Variants in HECW1 observed in about 807,000 individuals in gnomAD.
HECW1 encodes the protein HECT, C2 and WW domain containing E3 ubiquitin protein ligase 1.
In HECW1, 61 loss-of-function variants were observed where a neutral mutation model predicts 182.3. The observed-to-expected ratio is 0.33, with a 90% CI of 0.27 to 0.41. HECW1 has a LOEUF of 0.41. Ranked by LOEUF, HECW1 falls within the 10% of genes least tolerant of loss-of-function variation. HECW1 has a pLI of 1.00. For synonymous variants in HECW1, 859 were observed against 832.6 expected, an observed-to-expected ratio of 1.03 and a Z score of -0.55; for missense variants, 1,739 against 2,108.9, an observed-to-expected ratio of 0.82 and a Z score of 3.44.
chr7:43,476,366 A>T (rs1273677696), intron 16 of HECW1, among the ~76,000 whole-genome samples: 1 of 152,198 alleles, frequency 6.6e-6, no homozygotes, highest in African/African-American at 2.4e-5. Flanking sequence ...TAAGAAAAAA[A>T]TTCTTTAATA....
chr7:43,399,575 G>T (rs763406698), intron 7 of HECW1, among the ~76,000 whole-genome samples: 4 of 152,194 alleles, frequency 2.6e-5, no homozygotes, highest in Non-Finnish European at 5.9e-5. Context: ...GAGCAGGGCA[G>T]GACTGGGGAG....
chr7:43,559,708 G>T (rs573739834), intron 29 of HECW1, among the ~76,000 whole-genome samples: 17 of 152,190 alleles, frequency 1.1e-4, no homozygotes, highest in African/African-American at 3.9e-4. Flanking sequence ...CCACACCACC[G>T]GGCAATGCTT....
chr7:43,268,714 A>C (rs918351495), intron 3 of HECW1, among the ~76,000 whole-genome samples: 1 of 152,196 alleles, frequency 6.6e-6, no homozygotes, highest in African/African-American at 2.4e-5. Context: ...TGCCTCAGGC[A>C]TGACAAACTC....
intron 9 of HECW1, chr7:43,438,453 C>A (rs982772439): frequency 1.6e-5 from 3 of 192,898 alleles, no homozygotes; most frequent in Non-Finnish European, 3.2e-5. Context: ...CAGGTAGAAA[C>A]TAAAGTTTGT....
rs2304329 is a variant in HECW1, at chr7:43,466,460, A to G, written c.2805A>G (p.Glu935=). The G allele has an allele frequency of 0.61, 987,278 of 1,609,690 alleles. 306,032 individuals are homozygous for G. The highest frequency in any genetic ancestry group is 0.75 in the Middle Eastern group (4,515 of 6,058). ...ACTTTTTTTCAGATCTAAGGAGAGA[A>G]GGGTCACTTTCTCCAGTGAACTCAC... ...SSQSSLDLRR[E]GSLSPVNSQK... Residue 935 remains glutamate (E), a synonymous_variant, in exon 15 of 30, where the codon GAA becomes GAG. Coordinates refer to ENST00000395891, the MANE Select transcript of HECW1 (RefSeq NM_015052.5).
At chr7:43,202,243 T>C (rs1025305920) in intron 2 of HECW1, among the ~76,000 whole-genome samples, 1 of 152,190 alleles carries the variant, frequency 6.6e-6, no homozygotes, top group Non-Finnish European at 1.5e-5. Flanking sequence ...CAATGCACAC[T>C]GTCCTCTCCC....
chr7:43,514,652 C>T (rs1585152750), intron 24 of HECW1, among the ~76,000 whole-genome samples: 1 of 152,248 alleles, frequency 6.6e-6, no homozygotes, highest in Non-Finnish European at 1.5e-5. Context: ...TGATGAGGCA[C>T]TCATATGCTA....
At chr7:43,413,511 G>A (rs1379428887) in intron 8 of HECW1, among the ~76,000 whole-genome samples, 2 of 27,216 alleles carry the variant, frequency 7.3e-5, no homozygotes, top group African/African-American at 2.0e-4. Context: ...TTGGTGTTTT[G>A]GACATGAAGT....
At chr7:43,157,037 C>G (rs2152652029) in intron 2 of HECW1, among the ~76,000 whole-genome samples, 1 of 152,312 alleles carries the variant, frequency 6.6e-6, no homozygotes, top group East Asian at 1.9e-4. Flanking sequence ...GACACATGTT[C>G]ATTCGCAAAC....
At chr7:43,446,160 G>GTTGTTGTT (rs1289044540) in intron 11 of HECW1, among the ~76,000 whole-genome samples, 1 of 152,022 alleles carries the variant, frequency 6.6e-6, no homozygotes. Context: ...TTGTTTTGTT[G>GTTGTTGTT]TTGTTGTTGT....
At chr7:43,406,004 G>A (rs1412467747) in intron 7 of HECW1, among the ~76,000 whole-genome samples, 2 of 152,190 alleles carry the variant, frequency 1.3e-5, no homozygotes, top group Non-Finnish European at 1.5e-5. Flanking sequence ...TCTTGCGCAT[G>A]CCTCCTCTTC....
intron 17 of HECW1, among the ~76,000 whole-genome samples, chr7:43,490,907 G>A (rs1014884118): frequency 2.0e-5 from 3 of 152,016 alleles, no homozygotes; most frequent in Non-Finnish European, 4.4e-5. Flanking sequence ...ACAGGCATGC[G>A]CCACCATGCC....
chr7:43,113,172 G>A (rs948528728), intron 1 of HECW1, among the ~76,000 whole-genome samples: 18 of 152,136 alleles, frequency 1.2e-4, no homozygotes, highest in African/African-American at 4.1e-4. Flanking sequence ...GGTACTGCAG[G>A]CGCACCCGGC....
At chr7:43,264,445 A>G (rs562685891) in intron 3 of HECW1, among the ~76,000 whole-genome samples, 2 of 152,332 alleles carry the variant, frequency 1.3e-5, no homozygotes, top group African/African-American at 4.8e-5. Context: ...AAGATTGAAT[A>G]GTATTCCATT....
rs530970597 is a variant in HECW1, at chr7:43,550,615, G to A, written c.4395+24G>A. ...AGGTGAGGCCCGGTGGCCTGGGGAA[G>A]GCAAGCTGTGGCCAGGGTGCTGCTT... On this transcript the variant is annotated intron_variant, in intron 27 of 29. Transcript: ENST00000395891. 7 of 1,575,008 alleles carry A rather than the reference G, an allele frequency of 4.4e-6. No homozygotes were observed. The African/African-American group carries it at 9.4e-5, about 21-fold the overall frequency.
In HECW1 at chr7:43,378,401, A is replaced by G. The variant is rs565401335; in HGVS notation, c.555+17421A>G. Reference sequence around the variant, plus strand: ...TTTCAGAGAGCAGCCTGTAACAAAGAGCTATCTAGAACAATCATGTGGTTT... The same window carrying G: ...TTTCAGAGAGCAGCCTGTAACAAAGGGCTATCTAGAACAATCATGTGGTTT... On this transcript the variant is annotated intron_variant, in intron 6 of 29. Coordinates refer to ENST00000395891, the MANE Select transcript of HECW1 (RefSeq NM_015052.5). 7.2e-5 allele frequency among the ~76,000 whole-genome samples: 11 copies of G among 152,370 alleles called. No homozygotes were observed. The South Asian group carries it at 2.1e-3, about 29-fold the overall frequency.
chr7:43,526,644 T>C (rs2080767429), intron 24 of HECW1, among the ~76,000 whole-genome samples: 1 of 152,232 alleles, frequency 6.6e-6, no homozygotes, highest in Non-Finnish European at 1.5e-5. Context: ...TATTCTCTGG[T>C]CTGTGCAGCT....
intron 2 of HECW1, among the ~76,000 whole-genome samples, chr7:43,226,731 G>A (rs1797463616): frequency 6.6e-6 from 1 of 150,874 alleles, no homozygotes; most frequent in Non-Finnish European, 1.5e-5. Flanking sequence ...TGCAAGGGAG[G>A]AGGGTGGAGC....
intron 8 of HECW1, among the ~76,000 whole-genome samples, chr7:43,437,551 G>A (rs2076751122): frequency 6.6e-6 from 1 of 152,196 alleles, no homozygotes; most frequent in African/African-American, 2.4e-5. Flanking sequence ...AAAACAGTGT[G>A]AGAATTCTTG....
Sources: allele counts gnomAD v4.1 joint callset (sites outside exome capture counted in the v4.1 genomes callset), GRCh38; gene constraint gnomAD v4.1.1; transcripts MANE v1.5; gene names NCBI Gene and HGNC (gene_info 2026-07-23, HGNC 2026-07-21).